ACSBG2: variants seen among roughly 807,000 people sequenced by gnomAD.
ACSBG2 encodes acyl-CoA synthetase bubblegum family member 2, also known as long-chain-fatty-acid--CoA ligase ACSBG2.
ACSBG2 carries 62 observed loss-of-function variants against 74.7 expected under a neutral mutation model. The ratio of observed to expected loss-of-function variants is 0.83; its 90% CI spans 0.68 to 1.03. ACSBG2 has a LOEUF of 1.03. Ranked by LOEUF, ACSBG2 falls within the 50% of genes least tolerant of loss-of-function variation. ACSBG2 has a pLI of 0.00. For synonymous variants in ACSBG2, 309 were observed against 294.1 expected, an observed-to-expected ratio of 1.05 and a Z score of -0.52; for missense variants, 730 against 817.6, an observed-to-expected ratio of 0.89 and a Z score of 1.31.
chr19:6,141,126 C>T (rs16993402), intron 1 of ACSBG2, among the ~76,000 whole-genome samples: 5,494 of 152,234 alleles, frequency 0.036, 203 homozygotes, highest in African/African-American at 0.1. Flanking sequence ...TGTAGCAAGA[C>T]TTATCCTGTT....
chr19:6,152,869 A>AT (rs767912400), intron 4 of ACSBG2, among the ~76,000 whole-genome samples: 1 of 152,214 alleles, frequency 6.6e-6, no homozygotes, highest in African/African-American at 2.4e-5. Flanking sequence ...TGAAGAGCAC[A>AT]TTTTAAGCAT....
chr19:6,190,481 C>G (rs1195105903), intron 13 of ACSBG2, 103 bp from the exon 14 acceptor site: 1 of 990,230 alleles, frequency 1.0e-6, no homozygotes. Context: ...CAGCCAGCCA[C>G]CCAGCCTAGC....
rs138902128 is a variant in ACSBG2, at chr19:6,154,222, A to G, written c.387-2209A>G. On this transcript the variant is annotated intron_variant, in intron 4 of 14. Coordinates refer to ENST00000588485, the MANE Select transcript of ACSBG2 (RefSeq NM_030924.5). Reference sequence around the variant, plus strand: ...AGCCTGACCAGCATGTAGAAACTCTATCTCTACTAAAAAAAACCCCAAAAA... The same window carrying G: ...AGCCTGACCAGCATGTAGAAACTCTGTCTCTACTAAAAAAAACCCCAAAAA... Among the ~76,000 whole-genome samples the G allele has an allele frequency of 1.8e-4, 27 of 151,424 alleles. 1 individual carries two copies. The East Asian group carries it at 4.5e-3, about 25-fold the overall frequency.
intron 5 of ACSBG2, among the ~76,000 whole-genome samples, chr19:6,157,657 T>G (rs918060191): frequency 6.6e-6 from 1 of 152,054 alleles, no homozygotes; most frequent in African/African-American, 2.4e-5. Flanking sequence ...CCTCAATTGA[T>G]CTTCCTGCCT....
At chr19:6,160,385 G>A (rs1357262857) in intron 5 of ACSBG2, among the ~76,000 whole-genome samples, 6 of 128,304 alleles carry the variant, frequency 4.7e-5, no homozygotes, top group African/African-American at 1.3e-4. Flanking sequence ...GTGAGACTCC[G>A]TCTCAAAAAA....
intron 10 of ACSBG2, among the ~76,000 whole-genome samples, chr19:6,184,872 A>C (rs10402819): frequency 3.9e-4 from 46 of 116,918 alleles, no homozygotes; most frequent in East Asian, 2.8e-3. Context: ...AAAAAAAAAA[A>C]CGAAAAACAG....
chr19:6,166,279 GTTGTGT>G (rs1464814738), intron 7 of ACSBG2, among the ~76,000 whole-genome samples: 55 of 85,760 alleles, frequency 6.4e-4, no homozygotes, highest in Non-Finnish European at 2.0e-4. Flanking sequence ...AGTCAGGAAG[GTTGTGT>G]GTGTGTGTGT....
chr19:6,154,684 G>A (rs1389694098), intron 4 of ACSBG2, among the ~76,000 whole-genome samples: 1 of 151,488 alleles, frequency 6.6e-6, no homozygotes. Flanking sequence ...GCTAAATTTT[G>A]TATTTTTGGT....
chr19:6,142,999 T>G (rs1305131850), intron 2 of ACSBG2, among the ~76,000 whole-genome samples: 1 of 151,832 alleles, frequency 6.6e-6, no homozygotes, highest in Non-Finnish European at 1.5e-5. Flanking sequence ...GCGGGCAGAT[T>G]GCTTGAGGCC....
rs1449719939 is a variant in ACSBG2 at position 6,183,150 on chromosome 19, C to T, written c.1200C>T (p.Pro400=). ...HCHSFISGTA[P]LNQETAEFFL... is the part of the protein sequence containing the mutation. ...ACTCTTTTATCAGTGGGACTGCGCC[C>T]CTCAACCAAGAGACTGCCGAGTTCT... Residue 400 remains proline (P), a synonymous_variant, in exon 10 of 15, where the codon CCC becomes CCT. Transcript: ENST00000588485. 4 of 1,614,104 alleles carry T rather than the reference C, an allele frequency of 2.5e-6. 1 individual carries two copies. The South Asian group carries it at 3.3e-5, about 13-fold the overall frequency.
intron 2 of ACSBG2, among the ~76,000 whole-genome samples, chr19:6,144,182 G>T (rs112347922): frequency 0.023 from 3,567 of 152,250 alleles, 52 homozygotes; most frequent in South Asian, 0.054. Context: ...ATTTTTAGTA[G>T]ATACAGGGTT....
intron 3 of ACSBG2, among the ~76,000 whole-genome samples, chr19:6,149,935 C>T (rs1415606542): frequency 2.6e-5 from 4 of 151,742 alleles, no homozygotes; most frequent in Middle Eastern, 3.4e-3. Context: ...TGAGCCACCA[C>T]GCCTGTAATT....
At chr19:6,143,262 A>G (rs1472177404) in intron 2 of ACSBG2, among the ~76,000 whole-genome samples, 1 of 151,876 alleles carries the variant, frequency 6.6e-6, no homozygotes, top group Non-Finnish European at 1.5e-5. Flanking sequence ...AACAGCAGAA[A>G]TGTATTGTCT....
In ACSBG2 at chr19:6,156,539, G is replaced by A. The variant is rs1240262076; in HGVS notation, c.495G>A (p.Gln165=). The A allele has an allele frequency of 1.9e-6, 3 of 1,578,380 alleles. No homozygotes were observed. In the Admixed American group the frequency reaches 5.5e-5, roughly 29 times the overall value. Residue 165 remains glutamine (Q), a synonymous_variant, in exon 5 of 15, where the codon CAG becomes CAA. Coordinates refer to ENST00000588485, the MANE Select transcript of ACSBG2 (RefSeq NM_030924.5). ...ILLVENDQQL[Q]KILSIPQSSL... is the part of the protein sequence containing the mutation. ...TGGTTGAGAATGATCAACAGTTACA[G>A]AAAATCCTTTCGGTAAACCCCTACC...
chr19:6,181,340 G>A (rs1207963568), intron 8 of ACSBG2, among the ~76,000 whole-genome samples: 2 of 146,544 alleles, frequency 1.4e-5, no homozygotes, highest in African/African-American at 2.6e-5. Context: ...AAAAGAGGAA[G>A]GAAGGAAGGA....
intron 1 of ACSBG2, 112 bp from the exon 2 acceptor site, chr19:6,141,401 A>G: frequency 1.6e-6 from 1 of 643,398 alleles, no homozygotes; most frequent in Non-Finnish European, 2.8e-6. Context: ...GACAGGCATG[A>G]CCAATGGATC....
chr19:6,146,191 C>G (rs1400818500), intron 2 of ACSBG2, among the ~76,000 whole-genome samples: 1 of 152,216 alleles, frequency 6.6e-6, no homozygotes, highest in Non-Finnish European at 1.5e-5. Context: ...CAGATGGAGC[C>G]AGGCGCGGTG....
At chr19:6,177,875 A>AGTGTGTGTGT (rs3036311) in intron 8 of ACSBG2, among the ~76,000 whole-genome samples, 372 of 143,512 alleles carry the variant, frequency 2.6e-3, no homozygotes, top group African/African-American at 5.7e-3. Context: ...GAAAGTAAAG[A>AGTGTGTGTGT]GTGTGTGTGT....
intron 7 of ACSBG2, chr19:6,175,927 C>G (rs1373380630): frequency 6.4e-6 from 1 of 157,402 alleles, no homozygotes; most frequent in African/African-American, 2.4e-5. Context: ...GCAATAAAAG[C>G]CACGAGGGAT....
Sources: allele counts gnomAD v4.1 joint callset (sites outside exome capture counted in the v4.1 genomes callset), GRCh38; gene constraint gnomAD v4.1.1; transcripts MANE v1.5; gene names NCBI Gene and HGNC (gene_info 2026-07-23, HGNC 2026-07-21).